Variants in HTR2A observed in about 807,000 individuals in gnomAD.
HTR2A encodes the protein 5-hydroxytryptamine receptor 2A.
In HTR2A, 14 loss-of-function variants were observed where a neutral mutation model predicts 31.0. The ratio of observed to expected loss-of-function variants is 0.45; its 90% CI spans 0.30 to 0.71. The LOEUF is 0.71. Ranked by LOEUF, HTR2A falls within the 30% of genes least tolerant of loss-of-function variation. The pLI, the probability that HTR2A is intolerant of heterozygous loss-of-function variation, is 0.09. For synonymous variants in HTR2A, 209 were observed against 225.2 expected, an observed-to-expected ratio of 0.93 and a Z score of 0.64; for missense variants, 442 against 573.3, an observed-to-expected ratio of 0.77 and a Z score of 2.34.
chr13:46,862,362 C>T (rs1950786155), intron 3 of HTR2A, among the ~76,000 whole-genome samples: 1 of 152,112 alleles, frequency 6.6e-6, no homozygotes, highest in South Asian at 2.1e-4. Flanking sequence ...GTATCACAAT[C>T]CAGGAGTGCA....
intron 3 of HTR2A, among the ~76,000 whole-genome samples, chr13:46,842,048 C>T (rs550694895): frequency 2.8e-4 from 42 of 152,184 alleles, no homozygotes; most frequent in African/African-American, 9.6e-4. Context: ...TTGTAGGCAT[C>T]GACCAAAATA....
At chr13:46,863,813 T>A (rs865798658) in intron 3 of HTR2A, among the ~76,000 whole-genome samples, 15 of 151,950 alleles carry the variant, frequency 9.9e-5, no homozygotes, top group African/African-American at 3.4e-4. Flanking sequence ...TTATATACTG[T>A]CGGTGGGAGT....
chr13:46,838,977 T>TACACACACACACAC (rs67738033), intron 3 of HTR2A, among the ~76,000 whole-genome samples: 4 of 140,806 alleles, frequency 2.8e-5, no homozygotes, highest in African/African-American at 1.1e-4. Flanking sequence ...GACACACACA[T>TACACACACACACAC]ACACACACAC....
At position 46,867,474 on chromosome 13, in the gene HTR2A, G is replaced by A. The variant is rs1328676; in HGVS notation, c.613+24916C>T. Among the ~76,000 whole-genome samples, 3 of 151,698 alleles carry A rather than the reference G, an allele frequency of 2.0e-5. No homozygotes were observed. In the South Asian group the frequency reaches 6.2e-4, roughly 31 times the overall value. On this transcript the variant is annotated intron_variant, in intron 3 of 3. Coordinates refer to ENST00000542664, the MANE Select transcript of HTR2A (RefSeq NM_000621.5). ...GAATTTGTAGCAATATTATGAGATA[G>A]CTTGGTGCATATGTGTATGTAATAT...
At chr13:46,863,591 C>T (rs1950796292) in intron 3 of HTR2A, among the ~76,000 whole-genome samples, 1 of 135,862 alleles carries the variant, frequency 7.4e-6, no homozygotes, top group South Asian at 2.4e-4. Flanking sequence ...GCTGCCACTG[C>T]ACTCCAGCCT....
intron 3 of HTR2A, among the ~76,000 whole-genome samples, chr13:46,848,465 C>G (rs1383655050): frequency 2.6e-5 from 4 of 152,148 alleles, no homozygotes; most frequent in Non-Finnish European, 5.9e-5. Flanking sequence ...GTTAAGCTCT[C>G]TGTGTAAGTT....
intron 1 of HTR2A, 22 bp from the exon 2 acceptor site, chr13:46,896,256 T>C: frequency 9.1e-7 from 1 of 1,093,572 alleles, no homozygotes; most frequent in Non-Finnish European, 1.1e-6. Flanking sequence ...AGAAAAGTTT[T>C]ATAACTACTG....
rs1225703778 is a variant in HTR2A, at chr13:46,834,086, C to G, written c.*751G>C. 1 of 152,478 alleles carries G rather than the reference C, an allele frequency of 6.6e-6. No homozygotes were observed. The highest frequency in any genetic ancestry group is 1.5e-5 in the Non-Finnish European group (1 of 68,030). The allele number at this position is 152,478 out of a possible 1,614,324, so 9.4% of individuals were successfully genotyped here. A position where few individuals can be genotyped will look rare whatever the true frequency, so the allele number is the denominator to read the frequency against. ...TTAAATCATCCTTTTGCTAGTTTAC[C>G]TAGAGGAACAAATATTAAACAAGAC... On this transcript the variant is annotated 3_prime_UTR_variant, in exon 4 of 4. Transcript: ENST00000542664.
At position 46,835,287 on chromosome 13, in the gene HTR2A, G is replaced by A. The variant is rs369925691; in HGVS notation, c.966C>T (p.Cys322=). The change falls in exon 4 of 4, where the codon TGC becomes TGT. Residue 322 remains cysteine, a synonymous_variant. Coordinates refer to ENST00000542664, the MANE Select transcript of HTR2A (RefSeq NM_000621.5). ...GGAAGAAGACGATGCCCAGCACCTT[G>A]CATGCCTTTTGCTCATTGCTGATGG... ...MQSISNEQKA[C]KVLGIVFFLF... 5 of 1,613,998 alleles carry A rather than the reference G, an allele frequency of 3.1e-6. No homozygotes were observed. Among genetic ancestry groups the A allele is most frequent in the Admixed American group, 1.7e-5 (1 of 59,972 alleles).
At chr13:46,887,270 A>T (rs1951013718) in intron 3 of HTR2A, among the ~76,000 whole-genome samples, 1 of 151,902 alleles carries the variant, frequency 6.6e-6, no homozygotes, top group East Asian at 1.9e-4. Flanking sequence ...ATACAAAAAA[A>T]AATTTAGCCG....
chr13:46,861,515 C>A (rs1167099986), intron 3 of HTR2A, among the ~76,000 whole-genome samples: 2 of 152,148 alleles, frequency 1.3e-5, no homozygotes, highest in East Asian at 1.9e-4. Context: ...ATTGGAAAGG[C>A]CTGTTCTTAG....
intron 3 of HTR2A, among the ~76,000 whole-genome samples, chr13:46,867,674 G>T (rs1226802741): frequency 6.6e-6 from 1 of 152,138 alleles, no homozygotes; most frequent in Non-Finnish European, 1.5e-5. Context: ...GTTAAGCTCG[G>T]TTTTCTTTCC....
intron 3 of HTR2A, among the ~76,000 whole-genome samples, chr13:46,848,161 A>C (rs1450328094): frequency 6.6e-6 from 1 of 152,222 alleles, no homozygotes; most frequent in Non-Finnish European, 1.5e-5. Context: ...AAAGTTGTAC[A>C]TACCCTGAAA....
chr13:46,890,213 C>A (rs1471667993), intron 3 of HTR2A, among the ~76,000 whole-genome samples: 1 of 152,188 alleles, frequency 6.6e-6, no homozygotes, highest in Non-Finnish European at 1.5e-5. Flanking sequence ...CGTGGTGGCA[C>A]ATGCCTGTAA....
rs529721605 is a variant in HTR2A, at chr13:46,832,916, T to C, written c.*1921A>G. The C allele has an allele frequency of 1.3e-5, 2 of 152,308 alleles. No individual in the cohort carries two copies. Among genetic ancestry groups the C allele is most frequent in the East Asian group, 3.9e-4 (2 of 5,190 alleles). 9.4% of individuals were successfully genotyped at this position (152,308 alleles called of 1,614,324 possible). ...CATTGATTCTAATAACAACATGCAA[T>C]TTAACCTTGAGTGTTATAATATCAA... On this transcript the variant is annotated 3_prime_UTR_variant, in exon 4 of 4. Coordinates refer to ENST00000542664, the MANE Select transcript of HTR2A (RefSeq NM_000621.5).
intron 3 of HTR2A, among the ~76,000 whole-genome samples, chr13:46,866,753 A>AC (rs1950821339): frequency 6.6e-6 from 1 of 152,238 alleles, no homozygotes; most frequent in South Asian, 2.1e-4. Flanking sequence ...TAGGCCAGGT[A>AC]CGGTGGCTCA....
chr13:46,834,459 T>C lies in HTR2A; in HGVS notation c.*378A>G. The C allele has an allele frequency of 5.8e-6, 1 of 171,938 alleles. No individual in the cohort carries two copies. The allele number at this position is 171,938 out of a possible 1,614,324, so 10.7% of individuals were successfully genotyped here. On this transcript the variant is annotated 3_prime_UTR_variant, in exon 4 of 4. Transcript: ENST00000542664. The stretch of plus-strand genomic sequence containing the variant: ...TTATAGCTATTTTTATTTACAGCAA[T>C]AGGTAACCAACTCAATCCCATGTCA...
At chr13:46,866,190 T>C (rs565828494) in intron 3 of HTR2A, among the ~76,000 whole-genome samples, 1 of 152,310 alleles carries the variant, frequency 6.6e-6, no homozygotes, top group South Asian at 2.1e-4. Flanking sequence ...TTCCTGTTTA[T>C]AGGGTTCGGA....
chr13:46,845,450 T>A (rs2138193114), intron 3 of HTR2A, among the ~76,000 whole-genome samples: 1 of 152,214 alleles, frequency 6.6e-6, no homozygotes, highest in African/African-American at 2.4e-5. Context: ...ACATTGCTTA[T>A]CACTTACCAG....
Sources: gnomAD v4.1 joint callset for allele counts (sites outside exome capture counted in the v4.1 genomes callset) on GRCh38, gnomAD v4.1.1 for gene constraint, MANE v1.5 for transcripts, NCBI Gene and HGNC (gene_info 2026-07-23, HGNC 2026-07-21) for gene names.